Variants in AFF1 observed in about 807,000 individuals in gnomAD.
The protein encoded by AFF1 is AF4/FMR2 family member 1.
Under a neutral mutation model 121.7 loss-of-function variants are expected in AFF1, and 48 were observed. The observed-to-expected ratio is 0.39, with a 90% CI of 0.31 to 0.50. AFF1 has a LOEUF of 0.50. Ranked by LOEUF, AFF1 falls within the 20% of genes least tolerant of loss-of-function variation. The pLI, the probability that AFF1 is intolerant of heterozygous loss-of-function variation, is 0.76. For missense variants in AFF1, 1,523 were observed against 1,511.7 expected, an observed-to-expected ratio of 1.01 and a Z score of -0.12; for synonymous variants, 613 against 563.0, an observed-to-expected ratio of 1.09 and a Z score of -1.26.
rs144664884 is a variant in AFF1 at position 87,114,891 on chromosome 4, C to T, written c.2058C>T (p.Pro686=). The stretch of plus-strand genomic sequence containing the variant: ...AGCACAAGAGCTCCCTCCCTGCCCC[C>T]TCTAAGGCTCTCTCAGGCCCAGAAC... ...KKKHKSSLPA[P]SKALSGPEPA... The change falls in exon 12 of 21, where the codon CCC becomes CCT. Residue 686 remains proline (P), a synonymous_variant. Coordinates refer to ENST00000395146, the MANE Select transcript of AFF1 (RefSeq NM_001166693.3). 1.1e-5 allele frequency: 17 copies of T among 1,612,752 alleles called. No individual in the cohort carries two copies. Among genetic ancestry groups the T allele is most frequent in the Admixed American group, 5.0e-5 (3 of 59,780 alleles).
Position 87,127,016 on chromosome 4 carries a change from T to G in AFF1, c.2812-10T>G, listed in dbSNP as rs1271758147. On this transcript the variant is annotated splice_polypyrimidine_tract_variant and intron_variant, in intron 14 of 20. Transcript: ENST00000395146. Reference sequence around the variant, plus strand: ...AGAGTGTAATCTGTATATTGATTTTTTTTTTGAAGGGTTCTTCCGGAGATA... The same window carrying G: ...AGAGTGTAATCTGTATATTGATTTTGTTTTTGAAGGGTTCTTCCGGAGATA... 1.2e-6 allele frequency: 2 copies of G among 1,612,858 alleles called. No individual in the cohort carries two copies. The highest frequency in any genetic ancestry group is 1.7e-6 in the Non-Finnish European group (2 of 1,179,138).
At chr4:86,941,494 A>G (rs1720455302) in intron 1 of AFF1, among the ~76,000 whole-genome samples, 1 of 152,088 alleles carries the variant, frequency 6.6e-6, no homozygotes, top group Admixed American at 6.5e-5. Context: ...CCCCGTCTCT[A>G]CTAAAAATAC....
intron 2 of AFF1, among the ~76,000 whole-genome samples, chr4:87,040,426 CCTT>C (rs1730016182): frequency 1.3e-5 from 2 of 152,176 alleles, no homozygotes; most frequent in African/African-American, 4.8e-5. Context: ...CTTTAGCACA[CCTT>C]CTTTGTCTTC....
chr4:87,098,710 C>T (rs1341398853), intron 8 of AFF1, among the ~76,000 whole-genome samples: 3 of 152,220 alleles, frequency 2.0e-5, no homozygotes, highest in Non-Finnish European at 2.9e-5. Flanking sequence ...CTGAAATCAA[C>T]ACTTACTTAA....
intron 4 of AFF1, among the ~76,000 whole-genome samples, chr4:87,068,126 C>G (rs1721564958): frequency 6.8e-6 from 1 of 147,580 alleles, no homozygotes; most frequent in African/African-American, 2.5e-5. Flanking sequence ...ATACATAATA[C>G]TGGAATTACT....
intron 4 of AFF1, among the ~76,000 whole-genome samples, chr4:87,060,866 A>AAAAC (rs1560586054): frequency 4.1e-5 from 2 of 48,518 alleles, no homozygotes; most frequent in Non-Finnish European, 7.8e-5. Flanking sequence ...AAAAAAAAAA[A>AAAAC]ACACAAAAAA....
chr4:86,975,781 G>A (rs1214478086), intron 2 of AFF1, among the ~76,000 whole-genome samples: 4 of 152,298 alleles, frequency 2.6e-5, no homozygotes, highest in South Asian at 4.1e-4. Flanking sequence ...CCCATAAGGT[G>A]TATGTTGTAT....
chr4:87,052,310 G>T (rs1234014985), intron 4 of AFF1, among the ~76,000 whole-genome samples: 1 of 152,160 alleles, frequency 6.6e-6, no homozygotes, highest in Non-Finnish European at 1.5e-5. Flanking sequence ...CTACTCAGGA[G>T]GCTGAGATAG....
intron 4 of AFF1, among the ~76,000 whole-genome samples, chr4:87,064,878 G>GAA (rs397932923): frequency 0.41 from 57,581 of 138,760 alleles, 12,941 homozygotes; most frequent in Non-Finnish European, 0.51. Flanking sequence ...CGTCTCAAAA[G>GAA]AAAAAAAAAA....
At chr4:86,984,511 A>G (rs1030880361) in intron 2 of AFF1, among the ~76,000 whole-genome samples, 3 of 152,092 alleles carry the variant, frequency 2.0e-5, no homozygotes, top group East Asian at 3.9e-4. Flanking sequence ...TTTAGTAGAG[A>G]CAGGGTTTCA....
At chr4:87,031,774 G>GGAT (rs931906830) in intron 2 of AFF1, among the ~76,000 whole-genome samples, 9 of 152,218 alleles carry the variant, frequency 5.9e-5, no homozygotes, top group Middle Eastern at 6.8e-3. Context: ...TACTTGCAGT[G>GGAT]GATATATTAG....
chr4:86,954,771 G>C (rs146120198), intron 2 of AFF1, among the ~76,000 whole-genome samples: 1 of 152,128 alleles, frequency 6.6e-6, no homozygotes, highest in Non-Finnish European at 1.5e-5. Flanking sequence ...TCATTAAGTG[G>C]AAGTGGATCA....
intron 13 of AFF1, among the ~76,000 whole-genome samples, chr4:87,125,581 C>G (rs966106119): frequency 2.0e-5 from 3 of 152,178 alleles, no homozygotes; most frequent in Non-Finnish European, 4.4e-5. Context: ...GAGAATCTGT[C>G]AGACCACTCA....
chr4:87,045,205 A>T (rs1165494550), intron 2 of AFF1, among the ~76,000 whole-genome samples: 1 of 152,242 alleles, frequency 6.6e-6, no homozygotes, highest in Non-Finnish European at 1.5e-5. Flanking sequence ...TTAACTAGAC[A>T]ATCAAATATT....
chr4:87,036,571 T>G (rs1729583494), intron 2 of AFF1, among the ~76,000 whole-genome samples: 1 of 152,190 alleles, frequency 6.6e-6, no homozygotes, highest in South Asian at 2.1e-4. Flanking sequence ...ATGCTACTTT[T>G]CTGTTGGAGC....
intron 12 of AFF1, among the ~76,000 whole-genome samples, chr4:87,118,011 A>G (rs1319401501): frequency 2.0e-5 from 3 of 152,160 alleles, no homozygotes; most frequent in African/African-American, 7.2e-5. Context: ...TAATGAAGAT[A>G]TTTTTCATTG....
At chr4:87,108,590 A>G (rs941951575) in intron 11 of AFF1, among the ~76,000 whole-genome samples, 5 of 152,174 alleles carry the variant, frequency 3.3e-5, no homozygotes, top group African/African-American at 4.8e-5. Flanking sequence ...TTGAAGATCA[A>G]CTCATTAAGA....
intron 12 of AFF1, among the ~76,000 whole-genome samples, chr4:87,120,964 T>C (rs528476005): frequency 6.6e-6 from 1 of 152,292 alleles, no homozygotes; most frequent in African/African-American, 2.4e-5. Flanking sequence ...TGCAAGCCCA[T>C]GTCTTCCTTT....
intron 4 of AFF1, among the ~76,000 whole-genome samples, chr4:87,051,057 G>C (rs3775230): frequency 0.14 from 21,958 of 152,104 alleles, 1,982 homozygotes; most frequent in East Asian, 0.21. Context: ...AAGGAGAAGT[G>C]GAATAAGCAG....
Sources: gnomAD v4.1 joint callset for allele counts (sites outside exome capture counted in the v4.1 genomes callset) on GRCh38, gnomAD v4.1.1 for gene constraint, MANE v1.5 for transcripts, NCBI Gene and HGNC (gene_info 2026-07-23, HGNC 2026-07-21) for gene names.